CACNA2D1: variants seen among roughly 807,000 people sequenced by gnomAD.
The protein encoded by CACNA2D1 is calcium voltage-gated channel auxiliary subunit alpha2delta 1.
A neutral mutation model predicts 171.5 loss-of-function variants in CACNA2D1; 53 were observed. That is an observed-to-expected ratio of 0.31 (90% CI 0.25 to 0.39). The LOEUF is 0.39. CACNA2D1 is among the 10% of genes least tolerant of loss of function. The pLI is 1.00. For synonymous variants in CACNA2D1, 442 were observed against 443.1 expected (o/e 1.00, Z 0.03); for missense variants, 903 against 1,299.8 (o/e 0.69, Z 4.69).
intron 5 of CACNA2D1, among the ~76,000 whole-genome samples, chr7:82,124,052 T>G (rs540542166): frequency 1.4e-4 from 21 of 152,162 alleles, no homozygotes; most frequent in Non-Finnish European, 2.9e-4. Context: ...AAAGCAATTA[T>G]GGATACAAAG....
At chr7:82,122,298 C>A (rs2129058756) in intron 5 of CACNA2D1, among the ~76,000 whole-genome samples, 1 of 152,194 alleles carries the variant, frequency 6.6e-6, no homozygotes, top group South Asian at 2.1e-4. Context: ...ATTTAAAAGA[C>A]AAAATTGACA....
intron 38 of CACNA2D1, among the ~76,000 whole-genome samples, chr7:81,952,682 A>ATGTT (rs1321896086): frequency 5.9e-5 from 9 of 152,020 alleles, no homozygotes; most frequent in Admixed American, 2.0e-4. Context: ...GCTCTCTAAA[A>ATGTT]TGTTAGACTT....
Position 82,389,132 on chromosome 7 carries a change from G to GTA in CACNA2D1, c.96-39485_96-39484dup, listed in dbSNP as rs1158111347. Among the ~76,000 whole-genome samples, 261 of 137,748 alleles carry GTA rather than the reference G, an allele frequency of 1.9e-3. 1 individual carries two copies. The highest frequency in any genetic ancestry group is 0.012 in the South Asian group (54 of 4,394). The allele number at this position is 137,748 out of a possible 152,430, so 90.4% of individuals were successfully genotyped here. A position where few individuals can be genotyped will look rare whatever the true frequency, so the allele number is the denominator to read the frequency against. On this transcript the variant is annotated intron_variant, in intron 1 of 38. Coordinates refer to ENST00000356860, the MANE Select transcript of CACNA2D1 (RefSeq NM_000722.4). ...CTCCATCTCAAAATAATAATAATTA[G>GTA]TATATATATATATATTTATATATAT... is the stretch of plus-strand genomic sequence containing the variant.
intron 12 of CACNA2D1, 136 bp downstream of exon 12, chr7:82,032,661 T>C: frequency 1.7e-6 from 1 of 578,470 alleles, no homozygotes; most frequent in Non-Finnish European, 3.1e-6. Context: ...GTTTATAATC[T>C]ATGATTCATA....
intron 12 of CACNA2D1, chr7:82,028,651 A>C (rs969792569): frequency 3.3e-5 from 5 of 151,812 alleles, no homozygotes; most frequent in Non-Finnish European, 7.4e-5. Context: ...TATCGACATT[A>C]TCGGGAATTT....
chr7:82,429,787 G>A (rs1829517389), intron 1 of CACNA2D1, among the ~76,000 whole-genome samples: 1 of 151,426 alleles, frequency 6.6e-6, no homozygotes, highest in East Asian at 1.9e-4. Context: ...AATCCTCTGG[G>A]AACTAAGCTA....
intron 7 of CACNA2D1, among the ~76,000 whole-genome samples, chr7:82,082,762 T>C (rs1290475291): frequency 2.0e-5 from 3 of 151,662 alleles, no homozygotes; most frequent in African/African-American, 7.3e-5. Context: ...CCACATGAAT[T>C]CTGCTAAATA....
chr7:82,046,317 ACAGT>A (rs761365577), intron 10 of CACNA2D1, among the ~76,000 whole-genome samples: 1 of 152,170 alleles, frequency 6.6e-6, no homozygotes, highest in Admixed American at 6.6e-5. Context: ...TCACCCTCTC[ACAGT>A]CAGAGACATA....
chr7:81,975,195 G>A (rs1327713998), intron 24 of CACNA2D1, among the ~76,000 whole-genome samples: 1 of 152,006 alleles, frequency 6.6e-6, no homozygotes, highest in Non-Finnish European at 1.5e-5. Context: ...TGAGTAAAAG[G>A]TATATAGGTT....
intron 6 of CACNA2D1, among the ~76,000 whole-genome samples, chr7:82,088,414 A>C (rs1376931855): frequency 6.6e-6 from 1 of 152,168 alleles, no homozygotes; most frequent in East Asian, 1.9e-4. Flanking sequence ...TATAAAACCT[A>C]ATCTCAAAAA....
intron 3 of CACNA2D1, among the ~76,000 whole-genome samples, chr7:82,277,427 C>A: frequency 6.6e-6 from 1 of 152,134 alleles, no homozygotes; most frequent in African/African-American, 2.4e-5. Flanking sequence ...GTCTCGAACT[C>A]CTGACCTTGT....
chr7:81,973,976 AC>A (rs1388245132), intron 25 of CACNA2D1, among the ~76,000 whole-genome samples: 2 of 152,034 alleles, frequency 1.3e-5, no homozygotes, highest in African/African-American at 4.8e-5. Context: ...CATAAAGTTA[AC>A]TTGTGATCAA....
At chr7:82,415,411 G>A (rs984862551) in intron 1 of CACNA2D1, among the ~76,000 whole-genome samples, 2 of 152,072 alleles carry the variant, frequency 1.3e-5, no homozygotes, top group East Asian at 1.9e-4. Flanking sequence ...GTGGGTGCCT[G>A]TGGTCCCTGC....
intron 1 of CACNA2D1, among the ~76,000 whole-genome samples, chr7:82,368,709 A>G (rs1232544407): frequency 6.6e-6 from 1 of 152,174 alleles, no homozygotes; most frequent in Non-Finnish European, 1.5e-5. Flanking sequence ...TGTAATACCT[A>G]CAGCCTAACA....
chr7:82,269,017 G>A (rs190451866), intron 3 of CACNA2D1, among the ~76,000 whole-genome samples: 2 of 152,240 alleles, frequency 1.3e-5, no homozygotes, highest in Admixed American at 1.3e-4. Context: ...TGCCTCTCTT[G>A]TATACTCTTT....
At chr7:82,002,247 G>A (rs1798691663) in intron 18 of CACNA2D1, among the ~76,000 whole-genome samples, 1 of 152,056 alleles carries the variant, frequency 6.6e-6, no homozygotes, top group African/African-American at 2.4e-5. Flanking sequence ...GCCCTAGAGA[G>A]AGACACGTCT....
chr7:82,047,182 T>A (rs1389327610), intron 10 of CACNA2D1, among the ~76,000 whole-genome samples: 1 of 152,158 alleles, frequency 6.6e-6, no homozygotes, highest in Non-Finnish European at 1.5e-5. Context: ...CACTCCATCA[T>A]TCTCCAGGTA....
chr7:82,404,489 T>C (rs1413569139), intron 1 of CACNA2D1, among the ~76,000 whole-genome samples: 24 of 152,344 alleles, frequency 1.6e-4, no homozygotes, highest in Admixed American at 1.6e-3. Flanking sequence ...AGGTGAATTG[T>C]TAACTAGCTT....
chr7:82,180,356 T>C lies in CACNA2D1; in HGVS notation c.295-9747A>G, dbSNP rs79566353. ...GCCCTTGGGTCATTCAGCAGCAACC[T>C]CACTGGGTTTGAGAGTCCAGAGATA... On this transcript the variant is annotated intron_variant, in intron 3 of 38. Transcript: ENST00000356860. 1.2e-4 allele frequency among the ~76,000 whole-genome samples: 19 copies of C among 152,212 alleles called. No individual in the cohort carries two copies. In the East Asian group the frequency reaches 3.5e-3, roughly 28 times the overall value.
Sources: gnomAD v4.1 joint callset for allele counts (sites outside exome capture counted in the v4.1 genomes callset) on GRCh38, gnomAD v4.1.1 for gene constraint, MANE v1.5 for transcripts, NCBI Gene and HGNC (gene_info 2026-07-23, HGNC 2026-07-21) for gene names.